ATP1B1: variants seen among roughly 807,000 people sequenced by gnomAD.
The protein encoded by ATP1B1 is ATPase Na+/K+ transporting subunit beta 1.
Under a neutral mutation model 39.6 loss-of-function variants are expected in ATP1B1, and 3 were observed. The observed-to-expected ratio is 0.08, with a 90% CI of 0.03 to 0.20. The LOEUF is 0.20. ATP1B1 is among the 10% of genes least tolerant of loss of function. The pLI is 1.00. For missense variants in ATP1B1, 216 were observed against 371.1 expected (o/e 0.58, Z 3.43); for synonymous variants, 139 against 135.0 (o/e 1.03, Z -0.20).
chr1:169,131,167 C>CTG lies in ATP1B1; in HGVS notation c.649-124_649-123dup. The CTG allele has an allele frequency of 8.1e-7, 1 of 1,232,102 alleles. No homozygotes were observed. Among genetic ancestry groups the CTG allele is most frequent in the Middle Eastern group, 2.1e-4 (1 of 4,652 alleles). The allele number at this position is 1,232,102 out of a possible 1,614,324, so 76.3% of individuals were successfully genotyped here. A position where few individuals can be genotyped will look rare whatever the true frequency, so the allele number is the denominator to read the frequency against. ...TTTCTCAAGGCTGCAATGGAATAGA[C>CTG]TGAGTAGATGTTCTTTCCTCTCTCA... On this transcript the variant is annotated intron_variant, in intron 5 of 5. Transcript: ENST00000367815. This position sits in a 1 kb window ranked among gnomAD's most constrained non-coding sequence, Gnocchi z 4.4.
chr1:169,125,208 A>G (rs752902404), intron 3 of ATP1B1, among the ~76,000 whole-genome samples, 169 bp downstream of exon 3: 2 of 152,244 alleles, frequency 1.3e-5, no homozygotes, highest in African/African-American at 4.8e-5. Flanking sequence ...GACACAATGA[A>G]AAACAGTACA....
intron 2 of ATP1B1, 140 bp downstream of exon 2, chr1:169,111,638 C>T (rs1390747809): frequency 1.1e-5 from 14 of 1,233,678 alleles, no homozygotes; most frequent in East Asian, 9.8e-5. Flanking sequence ...AAACTTCTCT[C>T]GGCTGCAGCC....
intron 2 of ATP1B1, among the ~76,000 whole-genome samples, chr1:169,113,654 C>T (rs1181579009): frequency 6.6e-6 from 1 of 152,198 alleles, no homozygotes; most frequent in Admixed American, 6.5e-5. Context: ...AACACCCTCT[C>T]ACGGTGCCTC....
In ATP1B1 at chr1:169,130,018, G is replaced by T. The variant is rs1044699796; in HGVS notation, c.576G>T (p.Lys192Asn). The change falls in exon 5 of 6, where the codon AAG becomes AAT. Residue 192 changes from lysine to asparagine, a missense_variant. Transcript: ENST00000367815. ...ATGGGTTTTATTTTTAGCCTCCCAA[G>T]AATGAGTCCTTGGAGACTTACCCAG... ...RVLGFKPKPP[K>N]NESLETYPVM... is the part of the protein sequence containing the mutation. 2.5e-6 allele frequency: 4 copies of T among 1,613,718 alleles called. No homozygotes were observed. The highest frequency in any genetic ancestry group is 3.4e-6 in the Non-Finnish European group (4 of 1,179,864).
intron 1 of ATP1B1, 61 bp downstream of exon 1, chr1:169,106,987 C>G (rs1657607210): frequency 2.7e-6 from 4 of 1,479,760 alleles, no homozygotes; most frequent in Non-Finnish European, 3.7e-6. Context: ...CGGCGCATCC[C>G]CTGCGCAGGG....
chr1:169,112,910 T>C (rs1444947452), intron 2 of ATP1B1, among the ~76,000 whole-genome samples: 2 of 152,102 alleles, frequency 1.3e-5, no homozygotes, highest in East Asian at 3.9e-4. Context: ...ATGTTTTACG[T>C]TGGGTATGGT....
intron 4 of ATP1B1, among the ~76,000 whole-genome samples, chr1:169,128,816 T>C (rs1312776993): frequency 1.3e-5 from 2 of 152,338 alleles, no homozygotes; most frequent in African/African-American, 4.8e-5. Context: ...CTATTGTGAT[T>C]GATTTCTTCC....
At chr1:169,128,624 T>C (rs1415248644) in intron 4 of ATP1B1, among the ~76,000 whole-genome samples, 2 of 152,186 alleles carry the variant, frequency 1.3e-5, no homozygotes, top group Non-Finnish European at 2.9e-5. Context: ...TATGCCAAAA[T>C]GTATTTGATA....
chr1:169,129,464 T>C (rs1391110393), intron 4 of ATP1B1, among the ~76,000 whole-genome samples: 2 of 152,186 alleles, frequency 1.3e-5, no homozygotes, highest in African/African-American at 4.8e-5. Context: ...CTTTTTTACA[T>C]ATTGGACTTT....
At chr1:169,120,297 C>T (rs1318072364) in intron 2 of ATP1B1, among the ~76,000 whole-genome samples, 1 of 152,066 alleles carries the variant, frequency 6.6e-6, no homozygotes, top group East Asian at 1.9e-4. Context: ...AAACCCAGAC[C>T]ATCTGTTTTT....
intron 1 of ATP1B1, among the ~76,000 whole-genome samples, chr1:169,111,053 T>C (rs1657718127): frequency 2.0e-5 from 3 of 152,236 alleles, no homozygotes; most frequent in African/African-American, 7.2e-5. Context: ...TTCATGATTT[T>C]TTTTATAATT....
Position 169,131,674 on chromosome 1 carries a change from C to A in ATP1B1, c.*119C>A. ...ATGGGACCTACACTTAATCTATATGCTTTACACTAGCTTTCTGCATTTAAT... is the reference window on the plus strand; with the variant it reads ...ATGGGACCTACACTTAATCTATATGATTTACACTAGCTTTCTGCATTTAAT... On this transcript the variant is annotated 3_prime_UTR_variant, in exon 6 of 6. Transcript: ENST00000367815. This position sits in a 1 kb window ranked among gnomAD's most constrained non-coding sequence, Gnocchi z 4.4. The A allele has an allele frequency of 1.7e-6, 2 of 1,146,014 alleles. No individual in the cohort carries two copies. Among genetic ancestry groups the A allele is most frequent in the Non-Finnish European group, 2.4e-6 (2 of 823,876 alleles). The allele number at this position is 1,146,014 out of a possible 1,614,324, so 71.0% of individuals were successfully genotyped here.
At chr1:169,110,255 C>T (rs1657698732) in intron 1 of ATP1B1, among the ~76,000 whole-genome samples, 1 of 152,098 alleles carries the variant, frequency 6.6e-6, no homozygotes, top group Non-Finnish European at 1.5e-5. Flanking sequence ...TCCCTGGCCC[C>T]CTCCTACCAC....
chr1:169,114,189 C>T (rs572627550), intron 2 of ATP1B1, among the ~76,000 whole-genome samples: 2 of 114,296 alleles, frequency 1.7e-5, no homozygotes, highest in Non-Finnish European at 3.8e-5. Context: ...TTTCAGAGTA[C>T]GTGTTAGAAG....
intron 4 of ATP1B1, among the ~76,000 whole-genome samples, chr1:169,128,506 C>T (rs1242323093): frequency 6.6e-6 from 1 of 152,146 alleles, no homozygotes; most frequent in Non-Finnish European, 1.5e-5. Flanking sequence ...GGTTGCCTGG[C>T]TGGCTAGTTT....
chr1:169,127,925 C>A (rs1213379177), intron 4 of ATP1B1, among the ~76,000 whole-genome samples: 1 of 151,976 alleles, frequency 6.6e-6, no homozygotes, highest in Non-Finnish European at 1.5e-5. Flanking sequence ...AATTTTATTG[C>A]GGAAGTAGAA....
chr1:169,108,063 A>T (rs1013941814), intron 1 of ATP1B1: 1 of 151,300 alleles, frequency 6.6e-6, no homozygotes, highest in Admixed American at 6.6e-5. Flanking sequence ...TTTGAAATGG[A>T]AGAAGCTGGA....
At position 169,127,386 on chromosome 1, in the gene ATP1B1, G is replaced by A. The variant is rs1348949248; in HGVS notation, c.545G>A (p.Arg182Gln). The A allele has an allele frequency of 2.5e-6, 4 of 1,611,474 alleles. No homozygotes were observed. Among genetic ancestry groups the A allele is most frequent in the Non-Finnish European group, 3.4e-6 (4 of 1,179,392 alleles). ...CCGTGCATTATTATAAAGCTCAACC[G>A]AGTTCTAGGCTTCAAACCTAAGGCA... ...GKPCIIIKLN[R>Q]VLGFKPKPPK... is the part of the protein sequence containing the mutation. The change falls in exon 4 of 6, where the codon CGA becomes CAA. Residue 182 changes from arginine (R) to glutamine (Q), a missense_variant. By Grantham distance (43) the Arg-to-Gln change is conservative (BLOSUM62 1). Transcript: ENST00000367815.
intron 1 of ATP1B1, among the ~76,000 whole-genome samples, chr1:169,109,692 G>A (rs1159544542): frequency 6.6e-6 from 1 of 151,948 alleles, no homozygotes; most frequent in Non-Finnish European, 1.5e-5. Flanking sequence ...TTAGGCATCT[G>A]GAGTCCAGGG....
Sources: allele counts gnomAD v4.1 joint callset (sites outside exome capture counted in the v4.1 genomes callset), GRCh38; gene constraint gnomAD v4.1.1; non-coding constraint Gnocchi (gnomAD v3.1); transcripts MANE v1.5; gene names NCBI Gene and HGNC (gene_info 2026-07-23, HGNC 2026-07-21).